The following ROS1 variants were observed in gnomAD, a reference collection of about 807,000 sequenced individuals.
ROS1 encodes the protein proto-oncogene tyrosine-protein kinase ROS.
ROS1 carries 263 observed loss-of-function variants against 273.5 expected under a neutral mutation model. The observed-to-expected ratio is 0.96, with a 90% CI of 0.87 to 1.06. The LOEUF (loss-of-function observed/expected upper bound fraction) is 1.06. Among genes scored for constraint, ROS1 ranks in the 50% least tolerant of loss-of-function variants. The pLI is 0.00. For missense variants in ROS1, 2,833 were observed against 2,751.1 expected (o/e 1.03, Z -0.67); for synonymous variants, 1,008 against 954.1 (o/e 1.06, Z -1.04).
chr6:117,389,676 A>C lies in ROS1; in HGVS notation c.1460T>G (p.Met487Arg). 6.2e-7 allele frequency: 1 copy of C among 1,614,240 alleles called. No individual in the cohort carries two copies. Among genetic ancestry groups the C allele is most frequent in the Non-Finnish European group, 8.5e-7 (1 of 1,180,034 alleles). ...IYFNDTAQVF[M>R]STFLDGSASH... ...AGCAGAGCCATCCAGAAATGTTGAC[A>C]TGAAGACTTGGGCAGTGTCATTGAA... Residue 487 changes from methionine to arginine, a missense_variant, in exon 13 of 44, where the codon ATG becomes AGG. Met to Arg is a moderately conservative substitution (Grantham distance 91, BLOSUM62 -1). Transcript: ENST00000368507.
chr6:117,309,032 G>A, intron 41 of ROS1, 104 bp from the exon 42 acceptor site: 2 of 1,139,132 alleles, frequency 1.8e-6, no homozygotes, highest in South Asian at 3.0e-5. Flanking sequence ...GGTCTACTTT[G>A]TCAGTGTATT....
chr6:117,367,264 A>T (rs1326777504), intron 18 of ROS1, among the ~76,000 whole-genome samples: 1 of 152,152 alleles, frequency 6.6e-6, no homozygotes, highest in Non-Finnish European at 1.5e-5. Context: ...ATGTTCCTTT[A>T]AAAAGGAAAG....
At chr6:117,322,813 A>G (rs140469096) in intron 35 of ROS1, among the ~76,000 whole-genome samples, 192 of 152,330 alleles carry the variant, frequency 1.3e-3, no homozygotes, top group African/African-American at 4.3e-3. Flanking sequence ...GAATTAGCTT[A>G]GCTAGACTCA....
At chr6:117,387,744 TGAGAGTCA>T (rs1582816766) in intron 14 of ROS1, 28 bp downstream of exon 14, 1 of 1,587,402 alleles carries the variant, frequency 6.3e-7, no homozygotes, top group Non-Finnish European at 8.6e-7. Flanking sequence ...CCTCTTTTTG[TGAGAGTCA>T]CTCCCTAAAT....
rs114600025 is a variant in ROS1, at chr6:117,290,038, T to C, written c.6716-1236A>G. On this transcript the variant is annotated intron_variant, in intron 43 of 43. Coordinates refer to ENST00000368507, the MANE Select transcript of ROS1 (RefSeq NM_001378902.1). ...GATGTTCTTAATAGGCTTAAAGAAA[T>C]CAGTCTAAAGGAAAGTTTAGAATTT... Among the ~76,000 whole-genome samples, 694 of 152,256 alleles carry C rather than the reference T, an allele frequency of 4.6e-3. 5 individuals are homozygous for C. Among genetic ancestry groups the C allele is most frequent in the African/African-American group, 0.016 (657 of 41,562 alleles).
In ROS1 at chr6:117,326,401, T is replaced by C. The variant is rs1461762268; in HGVS notation, c.5362A>G (p.Asn1788Asp). The C allele has an allele frequency of 1.3e-6, 2 of 1,545,232 alleles. No homozygotes were observed. Among genetic ancestry groups the C allele is most frequent in the African/African-American group, 1.4e-5 (1 of 70,736 alleles). ...YILEIRKSTS[N>D]NLQNQNLRWK... Reference sequence around the variant, plus strand: ...CTTAAATTCTGGTTCTGTAAATTATTTGAAGTGCTCTTTCTGCAAAAAATA... The same window carrying C: ...CTTAAATTCTGGTTCTGTAAATTATCTGAAGTGCTCTTTCTGCAAAAAATA... The change falls in exon 34 of 44, where the codon AAT becomes GAT. Residue 1788 changes from asparagine (N) to aspartate (D), a missense_variant. Asn to Asp is a conservative substitution (Grantham distance 23). Coordinates refer to ENST00000368507, the MANE Select transcript of ROS1 (RefSeq NM_001378902.1).
chr6:117,377,326 G>GT (rs1000389070), intron 18 of ROS1, among the ~76,000 whole-genome samples: 10 of 152,126 alleles, frequency 6.6e-5, no homozygotes, highest in South Asian at 4.2e-4. Context: ...GGTCAGGCTG[G>GT]TCTCGAACTC....
intron 25 of ROS1, 27 bp downstream of exon 25, chr6:117,357,777 T>C (rs1562310520): frequency 3.5e-6 from 5 of 1,411,374 alleles, no homozygotes; most frequent in African/African-American, 1.4e-5. Flanking sequence ...TTCATCACAA[T>C]ATAAAAAAAT....
chr6:117,398,399 C>T (rs192693357), intron 7 of ROS1, among the ~76,000 whole-genome samples: 8 of 152,134 alleles, frequency 5.3e-5, no homozygotes, highest in African/African-American at 9.6e-5. Context: ...CCATTTAGGC[C>T]GGGTGCAGTG....
At chr6:117,362,046 T>TA (rs1779843473) in intron 22 of ROS1, among the ~76,000 whole-genome samples, 1 of 151,978 alleles carries the variant, frequency 6.6e-6, no homozygotes, top group South Asian at 2.1e-4. Flanking sequence ...TATATATCAA[T>TA]AAAAAATGTA....
intron 22 of ROS1, among the ~76,000 whole-genome samples, chr6:117,361,090 C>T (rs1779763226): frequency 6.6e-6 from 1 of 152,108 alleles, no homozygotes; most frequent in African/African-American, 2.4e-5. Context: ...AGGTAAGTAA[C>T]TCATGCACAA....
At chr6:117,358,722 A>T (rs1439857039) in intron 24 of ROS1, among the ~76,000 whole-genome samples, 1 of 152,162 alleles carries the variant, frequency 6.6e-6, no homozygotes, top group Non-Finnish European at 1.5e-5. Flanking sequence ...GGCCTCCTAC[A>T]GTGTTGGGAT....
chr6:117,394,326 G>A lies in ROS1; in HGVS notation c.1027C>T (p.Gln343Ter), dbSNP rs2128713018. Residue 343 changes from glutamine to a stop codon, truncating the protein, a stop_gained, in exon 11 of 44, where the codon CAG becomes TAG. Transcript: ENST00000368507. LOFTEE classifies it high-confidence loss of function. Reference sequence around the variant, plus strand: ...CCTTCAGAGAAATAAACAATTTGCTGGTGGACATCAACAGATATTCCTAGA... The same window carrying A: ...CCTTCAGAGAAATAAACAATTTGCTAGTGGACATCAACAGATATTCCTAGA... ...NITGISVDVH[Q>*]QIVYFSEGTL... 1 of 1,602,920 alleles carries A rather than the reference G, an allele frequency of 6.2e-7. No individual in the cohort carries two copies. The highest frequency in any genetic ancestry group is 8.5e-7 in the Non-Finnish European group (1 of 1,177,526).
chr6:117,417,072 C>T (rs541444827), intron 2 of ROS1, among the ~76,000 whole-genome samples: 1 of 152,216 alleles, frequency 6.6e-6, no homozygotes, highest in Non-Finnish European at 1.5e-5. Flanking sequence ...CCTACCTCAG[C>T]TTCAAGTAAT....
chr6:117,360,313 T>C (rs1779694295), intron 23 of ROS1, 29 bp downstream of exon 23: 1 of 1,465,804 alleles, frequency 6.8e-7, no homozygotes, highest in South Asian at 1.1e-5. Context: ...TCTAAATTAT[T>C]ATTTGCACAG....
At chr6:117,327,439 T>C (rs1053339836) in intron 33 of ROS1, among the ~76,000 whole-genome samples, 10 of 152,164 alleles carry the variant, frequency 6.6e-5, no homozygotes, top group Non-Finnish European at 1.0e-4. Flanking sequence ...AAAGAGGCCC[T>C]TGAGAATTTG....
In ROS1 at chr6:117,397,039, G is replaced by A. The variant is rs763066523; in HGVS notation, c.682C>T (p.Gln228Ter). 5.0e-6 allele frequency: 8 copies of A among 1,612,662 alleles called. No individual in the cohort carries two copies. In the South Asian group the frequency reaches 6.6e-5, roughly 13 times the overall value. Residue 228 changes from glutamine (Q) to a stop codon, truncating the protein, a stop_gained, in exon 8 of 44, where the codon CAA becomes TAA. Coordinates refer to ENST00000368507, the MANE Select transcript of ROS1 (RefSeq NM_001378902.1). LOFTEE classifies it high-confidence loss of function. ...DTVEVSWDPP[Q>*]FPGGPILGYN... ...CCCAAAATAGGTCCACCTGGGAATT[G>A]AGGTGGATCCCAGCTGACTTCCACA...
At chr6:117,392,588 GGTAA>G (rs550466147) in intron 12 of ROS1, among the ~76,000 whole-genome samples, 20 of 151,972 alleles carry the variant, frequency 1.3e-4, no homozygotes, top group African/African-American at 3.9e-4. Context: ...AACCCAACTG[GGTAA>G]GTATTATTAC....
chr6:117,337,294 C>A lies in ROS1; in HGVS notation c.5108G>T (p.Gly1703Val), dbSNP rs1777553859. 1 of 1,611,986 alleles carries A rather than the reference C, an allele frequency of 6.2e-7. No individual in the cohort carries two copies. Among genetic ancestry groups the A allele is most frequent in the Admixed American group, 1.7e-5 (1 of 59,776 alleles). Residue 1703 changes from glycine (G) to valine (V), a missense_variant, in exon 32 of 44, where the codon GGT becomes GTT. By Grantham distance (109) the Gly-to-Val change is moderately radical (BLOSUM62 -3). Transcript: ENST00000368507. The part of the protein sequence containing the change: ...FYHVKTSCSQ[G>V]PAYVCNITNL... ...TGTGATATTACAGACATAAGCAGGA[C>A]CTTGGCTGCATGAAGTTTTAACATG...
Sources: gnomAD v4.1 joint callset for allele counts (sites outside exome capture counted in the v4.1 genomes callset) on GRCh38, gnomAD v4.1.1 for gene constraint, MANE v1.5 for transcripts, NCBI Gene and HGNC (gene_info 2026-07-23, HGNC 2026-07-21) for gene names.